HHAT: variants seen among roughly 807,000 people sequenced by gnomAD.
The protein encoded by HHAT is protein-cysteine N-palmitoyltransferase HHAT.
Under a neutral mutation model 70.8 loss-of-function variants are expected in HHAT, and 47 were observed. The ratio of observed to expected loss-of-function variants is 0.66; its 90% confidence interval spans 0.53 to 0.85. The LOEUF (loss-of-function observed/expected upper bound fraction) is 0.85. HHAT is among the 40% of genes least tolerant of loss of function. The pLI, the probability that HHAT is intolerant of heterozygous loss-of-function variation, is 0.00. For missense variants in HHAT, 609 were observed against 604.8 expected (o/e 1.01, Z -0.07); for synonymous variants, 228 against 247.6 (o/e 0.92, Z 0.74).
At chr1:210,350,146 T>A (rs2086886952) in intron 2 of HHAT, among the ~76,000 whole-genome samples, 1 of 152,222 alleles carries the variant, frequency 6.6e-6, no homozygotes, top group African/African-American at 2.4e-5. Context: ...GTCTTTTGCC[T>A]GTCTGTATAA....
At chr1:210,670,774 T>C (rs1452146035) in intron 11 of HHAT, among the ~76,000 whole-genome samples, 4 of 152,208 alleles carry the variant, frequency 2.6e-5, no homozygotes, top group Non-Finnish European at 5.9e-5. Context: ...TGGTCCTATA[T>C]TAATCTTTTG....
chr1:210,338,107 G>A (rs1276374383), intron 1 of HHAT, among the ~76,000 whole-genome samples: 1 of 152,100 alleles, frequency 6.6e-6, no homozygotes, highest in African/African-American at 2.4e-5. Flanking sequence ...AGCACTTTGG[G>A]AGGTGTAGGT....
At chr1:210,520,448 C>CT (rs1216068904) in intron 9 of HHAT, among the ~76,000 whole-genome samples, 2 of 152,062 alleles carry the variant, frequency 1.3e-5, no homozygotes, top group Admixed American at 6.6e-5. Context: ...TTTCCTCTCA[C>CT]TTTTTTTCGC....
chr1:210,496,010 CAAAAAAAA>C (rs10639399), intron 8 of HHAT, among the ~76,000 whole-genome samples: 2 of 67,954 alleles, frequency 2.9e-5, no homozygotes, highest in African/African-American at 1.4e-4. Context: ...AACTCTATCT[CAAAAAAAA>C]AAAAAAAAAA....
At chr1:210,486,115 T>C (rs2094469167) in intron 8 of HHAT, among the ~76,000 whole-genome samples, 1 of 152,208 alleles carries the variant, frequency 6.6e-6, no homozygotes, top group African/African-American at 2.4e-5. Flanking sequence ...AATTCTGCTA[T>C]TGTGTGTAGC....
At chr1:210,500,010 C>T (rs2094723382) in intron 8 of HHAT, among the ~76,000 whole-genome samples, 1 of 152,134 alleles carries the variant, frequency 6.6e-6, no homozygotes, top group Non-Finnish European at 1.5e-5. Context: ...TCTTTTGAGT[C>T]CTGGTTATGG....
chr1:210,610,769 G>T (rs575862763), intron 10 of HHAT, among the ~76,000 whole-genome samples: 86 of 152,180 alleles, frequency 5.7e-4, no homozygotes, highest in Non-Finnish European at 9.3e-4. Flanking sequence ...TTTAAATAGG[G>T]AATTGTTTCC....
intron 9 of HHAT, among the ~76,000 whole-genome samples, chr1:210,540,456 C>T (rs1212682532): frequency 1.5e-5 from 2 of 137,540 alleles, no homozygotes; most frequent in Non-Finnish European, 3.4e-5. Flanking sequence ...CACACACACA[C>T]ACACACACAC....
At chr1:210,440,247 G>A (rs1244927841) in intron 7 of HHAT, among the ~76,000 whole-genome samples, 1 of 151,714 alleles carries the variant, frequency 6.6e-6, no homozygotes, top group African/African-American at 2.4e-5. Context: ...GTTTATTAGG[G>A]TGTTCTCTTG....
chr1:210,374,050 A>G (rs1420069940), intron 3 of HHAT: 1 of 152,024 alleles, frequency 6.6e-6, no homozygotes, highest in African/African-American at 2.4e-5. Flanking sequence ...TGTCTTTGCA[A>G]GTTCTGTTAC....
intron 7 of HHAT, among the ~76,000 whole-genome samples, chr1:210,427,674 T>C (rs1214026686): frequency 6.6e-6 from 1 of 152,182 alleles, no homozygotes; most frequent in Non-Finnish European, 1.5e-5. Context: ...GAGACTATGT[T>C]ATGATTTCAG....
At chr1:210,424,402 A>G (rs1185133772) in intron 7 of HHAT, among the ~76,000 whole-genome samples, 1 of 151,630 alleles carries the variant, frequency 6.6e-6, no homozygotes, top group Non-Finnish European at 1.5e-5. Context: ...ATCAATTCAA[A>G]TAGTTTTTTT....
At chr1:210,571,654 C>G (rs1656296464) in intron 9 of HHAT, among the ~76,000 whole-genome samples, 1 of 152,196 alleles carries the variant, frequency 6.6e-6, no homozygotes, top group African/African-American at 2.4e-5. Flanking sequence ...CATCTTGACT[C>G]CACTTGAGAG....
intron 11 of HHAT, among the ~76,000 whole-genome samples, chr1:210,651,814 G>C (rs1344229655): frequency 3.3e-5 from 5 of 152,230 alleles, no homozygotes; most frequent in Non-Finnish European, 1.5e-5. Context: ...TGGAAAACCT[G>C]GGCATCCAAG....
At chr1:210,572,388 T>A (rs1054537711) in intron 9 of HHAT, among the ~76,000 whole-genome samples, 1 of 152,058 alleles carries the variant, frequency 6.6e-6, no homozygotes, top group Non-Finnish European at 1.5e-5. Context: ...CAGTCTTGAG[T>A]GTCAGTGTTT....
In HHAT at chr1:210,404,763, G is replaced by A. The variant is rs1182254587; in HGVS notation, c.684+84G>A. 2.2e-5 allele frequency: 24 copies of A among 1,115,028 alleles called. No homozygotes were observed. In the East Asian group the frequency reaches 2.2e-4, roughly 10 times the overall value. 69.1% of individuals were successfully genotyped at this position (1,115,028 alleles called of 1,614,324 possible). On this transcript the variant is annotated intron_variant, in intron 6 of 11. Coordinates refer to ENST00000261458, the MANE Select transcript of HHAT (RefSeq NM_018194.6). ...TCTGGTCTTCTCTGACTCTTGAGTC[G>A]TTTTGTTCAGAGGTGCCCACAGATT...
intron 9 of HHAT, among the ~76,000 whole-genome samples, chr1:210,537,881 C>T (rs1305389265): frequency 6.6e-6 from 1 of 152,078 alleles, no homozygotes; most frequent in African/African-American, 2.4e-5. Context: ...TTGAGAAACT[C>T]GAGTCATTTG....
At chr1:210,578,913 C>T (rs1187947588) in intron 9 of HHAT, among the ~76,000 whole-genome samples, 3 of 152,276 alleles carry the variant, frequency 2.0e-5, no homozygotes, top group Non-Finnish European at 4.4e-5. Context: ...AACCTAAAAG[C>T]CCATCAATGG....
At chr1:210,586,640 T>C (rs1284569144) in intron 9 of HHAT, among the ~76,000 whole-genome samples, 2 of 152,214 alleles carry the variant, frequency 1.3e-5, no homozygotes, top group Non-Finnish European at 2.9e-5. Context: ...AAGTGGTACA[T>C]GTAAGTGTCT....
Sources: allele counts gnomAD v4.1 joint callset (sites outside exome capture counted in the v4.1 genomes callset), GRCh38; gene constraint gnomAD v4.1.1; transcripts MANE v1.5; gene names NCBI Gene and HGNC (gene_info 2026-07-23, HGNC 2026-07-21).